TMEM138: variants seen among roughly 807,000 people sequenced by gnomAD.
The protein encoded by TMEM138 is transmembrane protein 138.
Under a neutral mutation model 18.1 loss-of-function variants are expected in TMEM138, and 9 were observed. The ratio of observed to expected loss-of-function variants is 0.50; its 90% CI spans 0.30 to 0.87. The LOEUF (loss-of-function observed/expected upper bound fraction) is 0.87, where lower values mean the gene tolerates loss of function less well. Ranked by LOEUF, TMEM138 falls within the 40% of genes least tolerant of loss-of-function variation. The pLI is 0.06. For synonymous variants in TMEM138, 79 were observed against 74.8 expected (o/e 1.06, Z -0.29); for missense variants, 189 against 190.6 (o/e 0.99, Z 0.05).
Position 61,366,105 on chromosome 11 carries a change from C to T in TMEM138, c.189C>T (p.Thr63=), listed in dbSNP as rs1241148484. The change falls in exon 3 of 5, where the codon ACC becomes ACT. Residue 63 remains threonine, a synonymous_variant. Coordinates refer to ENST00000278826, the MANE Select transcript of TMEM138 (RefSeq NM_016464.5). ...IIIIFLMFFN[T]FVFQAGLVNL... is the part of the protein sequence containing the mutation. ...TCATTTTCCTCATGTTCTTCAACAC[C>T]TTCGTCTTCCAGGCTGGCCTGGTCA... The T allele has an allele frequency of 1.2e-6, 2 of 1,614,198 alleles. No individual in the cohort carries two copies. The highest frequency in any genetic ancestry group is 1.7e-5 in the Admixed American group (1 of 60,020).
chr11:61,371,313 C>G (rs566355816), downstream of TMEM138, among the ~76,000 whole-genome samples: 12 of 152,250 alleles, frequency 7.9e-5, no homozygotes, highest in South Asian at 2.1e-4. Flanking sequence ...GATTACAGGA[C>G]TGAGCCACCA....
Position 61,364,484 on chromosome 11 carries a change from C to T in TMEM138, c.94C>T (p.Gln32Ter), listed in dbSNP as rs146264153. The part of the protein sequence containing the change: ...LFVNSFSELL[Q>*]KTPVIQLVLF... ...TGTCAATTCCTTCTCAGAACTGCTCCAAAAGACTCCTGTCATCCAGCTTGT... is the reference window on the plus strand; with the variant it reads ...TGTCAATTCCTTCTCAGAACTGCTCTAAAAGACTCCTGTCATCCAGCTTGT... The change falls in exon 2 of 5, where the codon CAA becomes TAA. Residue 32 changes from glutamine to a stop codon, truncating the protein, a stop_gained. Transcript: ENST00000278826. LOFTEE classifies it high-confidence loss of function. 25 of 1,614,098 alleles carry T rather than the reference C, an allele frequency of 1.5e-5. No individual in the cohort carries two copies. Among genetic ancestry groups the T allele is most frequent in the Admixed American group, 3.3e-5 (2 of 60,002 alleles).
chr11:61,370,901 C>A (rs1427084871), downstream of TMEM138, among the ~76,000 whole-genome samples: 1 of 152,168 alleles, frequency 6.6e-6, no homozygotes, highest in Non-Finnish European at 1.5e-5. Flanking sequence ...GATCCATTGG[C>A]AGTTGGCTAG....
chr11:61,374,728 T>C (rs1375293427), downstream of TMEM138, among the ~76,000 whole-genome samples: 1 of 152,120 alleles, frequency 6.6e-6, no homozygotes, highest in Non-Finnish European at 1.5e-5. Flanking sequence ...GGTGGGCAGA[T>C]CATGATGTCA....
intron 4 of TMEM138, 140 bp from the exon 5 acceptor site, chr11:61,368,457 A>C (rs916780177): frequency 3.3e-6 from 2 of 608,292 alleles, no homozygotes; most frequent in South Asian, 3.7e-5. Flanking sequence ...TCGATCTCTG[A>C]CCTCATGATC....
At position 61,366,192 on chromosome 11, in the gene TMEM138, C is replaced by T. The variant is rs756828257; in HGVS notation, c.276C>T (p.Ser92=). Residue 92 remains serine (S), a synonymous_variant, in exon 3 of 5, where the codon AGC becomes AGT. Transcript: ENST00000278826. ...IILTAVYFAL[S]ISLHVWVMNL... Reference sequence around the variant, plus strand: ...TGACAGCTGTGTACTTTGCCCTCAGCATCTCCCTTCATGTCTGGGTCATGG... The same window carrying T: ...TGACAGCTGTGTACTTTGCCCTCAGTATCTCCCTTCATGTCTGGGTCATGG... 8 of 1,613,960 alleles carry T rather than the reference C, an allele frequency of 5.0e-6. No individual in the cohort carries two copies. The highest frequency in any genetic ancestry group is 6.8e-6 in the Non-Finnish European group (8 of 1,179,998).
downstream of TMEM138, among the ~76,000 whole-genome samples, chr11:61,369,682 T>TGTCAGCTGCAGGTCAGCTA (rs530059206): frequency 4.0e-3 from 610 of 152,328 alleles, 8 homozygotes; most frequent in African/African-American, 0.014. Context: ...CTCTTGTGTC[T>TGTCAGCTGCAGGTCAGCTA]GTCAGCTGCA....
At chr11:61,372,348 C>T (rs1314172086), downstream of TMEM138, among the ~76,000 whole-genome samples, 1 of 151,842 alleles carries the variant, frequency 6.6e-6, no homozygotes, top group Non-Finnish European at 1.5e-5. Context: ...GTCTCCCAGG[C>T]TGGAGTGCAA....
At chr11:61,373,709 G>C (rs1419688876), downstream of TMEM138, among the ~76,000 whole-genome samples, 1 of 151,794 alleles carries the variant, frequency 6.6e-6, no homozygotes, top group African/African-American at 2.4e-5. Context: ...GGCTTACTTG[G>C]TATAAAAATT....
chr11:61,370,420 A>G (rs1382302212), downstream of TMEM138, among the ~76,000 whole-genome samples: 1 of 152,098 alleles, frequency 6.6e-6, no homozygotes, highest in East Asian at 1.9e-4. Context: ...CAAAATGGCG[A>G]TTTTCTTTGT....
chr11:61,373,771 T>C (rs570201602), downstream of TMEM138, among the ~76,000 whole-genome samples: 1 of 152,284 alleles, frequency 6.6e-6, no homozygotes, highest in African/African-American at 2.4e-5. Context: ...CTTTGGGCTG[T>C]ATTTGTATAA....
At position 61,368,449 on chromosome 11, in the gene TMEM138, G is replaced by A. The variant is rs111472671; in HGVS notation, c.377-148G>A. On this transcript the variant is annotated intron_variant, in intron 4 of 4. Transcript: ENST00000278826. ...TCACCGTGTTAGCCAGGATGGTCTC[G>A]ATCTCTGACCTCATGATCCGCCTGC... The A allele has an allele frequency of 7.5e-4, 445 of 593,348 alleles. 2 individuals are homozygous for A. In the African/African-American group the frequency reaches 7.6e-3, roughly 10 times the overall value. The allele number at this position is 593,348 out of a possible 1,614,324, so 36.8% of individuals were successfully genotyped here. A position where few individuals can be genotyped will look rare whatever the true frequency, so the allele number is the denominator to read the frequency against.
chr11:61,363,210 C>T (rs1353818080), intron 1 of TMEM138: 1 of 152,300 alleles, frequency 6.6e-6, no homozygotes, highest in Non-Finnish European at 1.5e-5. Context: ...GCACTCCAGC[C>T]TGGCGACAGA....
At position 61,368,205 on chromosome 11, in the gene TMEM138, TG is replaced by T. The variant is rs776857360; in HGVS notation, c.376+208del. 6 of 681,940 alleles carry T rather than the reference TG, an allele frequency of 8.8e-6. No homozygotes were observed. The African/African-American group carries it at 1.1e-4, about 12-fold the overall frequency. 42.2% of individuals were successfully genotyped at this position (681,940 alleles called of 1,614,324 possible). On this transcript the variant is annotated intron_variant, in intron 4 of 4. Coordinates refer to ENST00000278826, the MANE Select transcript of TMEM138 (RefSeq NM_016464.5). ...AGGGCTGCCCAGCCTCATTAGGTTC[TG>T]TTCTTTTTGTTTGTTTGTTTGTTTG...
chr11:61,362,531 T>A (rs931359729), intron 1 of TMEM138, 111 bp downstream of exon 1: 7 of 152,196 alleles, frequency 4.6e-5, no homozygotes, highest in African/African-American at 1.7e-4. Flanking sequence ...GGAAGCCTCG[T>A]TTTTAAGTGG....
At chr11:61,368,327 A>G (rs1247082709) in intron 4 of TMEM138, 3 of 509,958 alleles carry the variant, frequency 5.9e-6, no homozygotes, top group African/African-American at 1.9e-5. Flanking sequence ...CCGGGTTCAC[A>G]CCATTCTCCT....
intron 4 of TMEM138, chr11:61,368,225 T>C: frequency 3.1e-6 from 2 of 639,376 alleles, no homozygotes; most frequent in South Asian, 3.1e-5. Context: ...GTTTGTTTGT[T>C]TGTTTGTTTG....
At chr11:61,367,260 G>T (rs1050272220) in intron 3 of TMEM138, 1 of 152,210 alleles carries the variant, frequency 6.6e-6, no homozygotes, top group African/African-American at 2.4e-5. Context: ...TGTGGTTTCA[G>T]ATTTCTTCTG....
chr11:61,364,342 C>G lies in TMEM138; in HGVS notation c.-49C>G. 1 of 1,604,334 alleles carries G rather than the reference C, an allele frequency of 6.2e-7. No homozygotes were observed. The highest frequency in any genetic ancestry group is 8.5e-7 in the Non-Finnish European group (1 of 1,174,086). ...TAGGGAGACAGCCAGGAGCGGTTTT[C>G]TGGGAACTGTGGGATGTGCCCTTGG... On this transcript the variant is annotated 5_prime_UTR_variant, in exon 2 of 5. Transcript: ENST00000278826.
Sources: allele counts gnomAD v4.1 joint callset (sites outside exome capture counted in the v4.1 genomes callset), GRCh38; gene constraint gnomAD v4.1.1; transcripts MANE v1.5; gene names NCBI Gene and HGNC (gene_info 2026-07-23, HGNC 2026-07-21).